VAC14: variants seen among roughly 807,000 people sequenced by gnomAD.
VAC14 encodes the protein VAC14 component of PIKFYVE complex.
VAC14 carries 47 observed loss-of-function variants against 85.3 expected under a neutral mutation model. The ratio of observed to expected loss-of-function variants is 0.55; its 90% confidence interval spans 0.44 to 0.70. The LOEUF (loss-of-function observed/expected upper bound fraction) is 0.70. Among genes scored for constraint, VAC14 ranks in the 30% least tolerant of loss-of-function variants. The pLI is 0.00. For missense variants in VAC14, 861 were observed against 1,004.3 expected (o/e 0.86, Z 1.93); for synonymous variants, 447 against 430.5 (o/e 1.04, Z -0.47).
At chr16:70,734,153 C>G (rs1461250031) in intron 13 of VAC14, among the ~76,000 whole-genome samples, 2 of 151,592 alleles carry the variant, frequency 1.3e-5, no homozygotes, top group Non-Finnish European at 2.9e-5. Flanking sequence ...CAAGAACAGC[C>G]TAATAAACAG....
chr16:70,783,405 T>A (rs1023316905), intron 6 of VAC14, 40 bp downstream of exon 6: 1 of 1,584,686 alleles, frequency 6.3e-7, no homozygotes, highest in Middle Eastern at 1.7e-4. Context: ...CAGCTGGGGG[T>A]GGCAGGAGGC....
intron 10 of VAC14, among the ~76,000 whole-genome samples, chr16:70,766,940 G>A (rs1184741195): frequency 5.3e-5 from 8 of 152,152 alleles, no homozygotes; most frequent in African/African-American, 1.7e-4. Flanking sequence ...CTGCTGGGCC[G>A]GAGCCTGAGA....
intron 14 of VAC14, among the ~76,000 whole-genome samples, chr16:70,722,678 C>T (rs1037535611): frequency 2.6e-4 from 39 of 152,162 alleles, no homozygotes; most frequent in Non-Finnish European, 1.5e-4. Flanking sequence ...AGACAAAGGG[C>T]ACCCACATTT....
At chr16:70,708,312 C>A (rs933569472) in intron 14 of VAC14, among the ~76,000 whole-genome samples, 2 of 152,170 alleles carry the variant, frequency 1.3e-5, no homozygotes, top group African/African-American at 4.8e-5. Flanking sequence ...TAGGGCTGGG[C>A]CCCTACAGGC....
At chr16:70,713,348 G>C (rs1197889583) in intron 14 of VAC14, among the ~76,000 whole-genome samples, 3 of 152,218 alleles carry the variant, frequency 2.0e-5, no homozygotes, top group Non-Finnish European at 4.4e-5. Flanking sequence ...CATAGAGCAG[G>C]GTCTGAGGAT....
At chr16:70,708,273 G>C (rs1347888055) in intron 14 of VAC14, among the ~76,000 whole-genome samples, 1 of 152,218 alleles carries the variant, frequency 6.6e-6, no homozygotes, top group African/African-American at 2.4e-5. Flanking sequence ...CCTGAGCCCT[G>C]GTTCCTTTTC....
intron 13 of VAC14, among the ~76,000 whole-genome samples, chr16:70,738,468 A>C (rs1349797631): frequency 6.6e-6 from 1 of 152,158 alleles, no homozygotes; most frequent in Non-Finnish European, 1.5e-5. Flanking sequence ...CTTCCAGCTG[A>C]CGCGGCAGTG....
rs765593103 is a variant in VAC14 at position 70,784,806 on chromosome 16, G to A, written c.456C>T (p.Ser152=). 128 of 1,614,010 alleles carry A rather than the reference G, an allele frequency of 7.9e-5. No individual in the cohort carries two copies. Among genetic ancestry groups the A allele is most frequent in the Non-Finnish European group, 9.5e-5 (112 of 1,180,034 alleles). ...LAADPDPNVK[S]GSELLDRLLK... ...AAAGGCGGTCTAGGAGCTCAGATCC[G>A]CTTTTCACATTGGGGTCTGGGTCGG... The change falls in exon 4 of 19, where the codon AGC becomes AGT. Residue 152 remains serine, a synonymous_variant. Transcript: ENST00000261776.
chr16:70,792,397 T>C (rs2034378534), intron 1 of VAC14, among the ~76,000 whole-genome samples: 2 of 152,152 alleles, frequency 1.3e-5, no homozygotes, highest in Non-Finnish European at 2.9e-5. Context: ...CTGGAGACCT[T>C]CACTAATGTG....
chr16:70,691,660 TC>T (rs1447157141), intron 18 of VAC14: 10 of 985,320 alleles, frequency 1.0e-5, no homozygotes, highest in Admixed American at 6.1e-5. Flanking sequence ...GGCACTGCCT[TC>T]TGGGGAAATG....
chr16:70,702,697 G>A (rs1396150420), intron 14 of VAC14, among the ~76,000 whole-genome samples: 3 of 152,214 alleles, frequency 2.0e-5, no homozygotes, highest in Admixed American at 6.5e-5. Flanking sequence ...CCAGCTCACG[G>A]GGCCCTTACT....
chr16:70,769,888 T>C (rs1394421696), intron 10 of VAC14: 1 of 152,274 alleles, frequency 6.6e-6, no homozygotes, highest in Non-Finnish European at 1.5e-5. Context: ...CAACAGGCTT[T>C]TGGCTGCCAG....
intron 18 of VAC14, chr16:70,689,647 T>TCTACGG (rs1229525846): frequency 2.1e-4 from 206 of 985,728 alleles, no homozygotes; most frequent in Admixed American, 6.7e-4. Flanking sequence ...CTTGGACATG[T>TCTACGG]CTACGGCTGC....
chr16:70,743,194 T>G (rs996514028), intron 13 of VAC14, among the ~76,000 whole-genome samples: 4 of 152,038 alleles, frequency 2.6e-5, no homozygotes, highest in Admixed American at 6.5e-5. Context: ...TAAAGGATTG[T>G]AAACGCACCA....
At chr16:70,753,373 G>A (rs1411660730) in intron 12 of VAC14, among the ~76,000 whole-genome samples, 2 of 152,186 alleles carry the variant, frequency 1.3e-5, no homozygotes, top group Non-Finnish European at 2.9e-5. Context: ...CTTGCCAACA[G>A]GGAGGTGCCT....
chr16:70,759,432 G>C (rs918248795), intron 12 of VAC14, among the ~76,000 whole-genome samples: 3 of 152,160 alleles, frequency 2.0e-5, no homozygotes. Flanking sequence ...TTCAAGACCA[G>C]CCTGGCCAAC....
At chr16:70,738,591 C>G (rs1442176856) in intron 13 of VAC14, among the ~76,000 whole-genome samples, 3 of 152,050 alleles carry the variant, frequency 2.0e-5, no homozygotes, top group African/African-American at 7.3e-5. Context: ...GCTGGTGGAG[C>G]AGGGGGGCTG....
chr16:70,757,774 T>C (rs1354192718), intron 12 of VAC14, among the ~76,000 whole-genome samples: 3 of 152,226 alleles, frequency 2.0e-5, no homozygotes, highest in Non-Finnish European at 4.4e-5. Context: ...CTACTGCTTA[T>C]CGTGGGTTTA....
chr16:70,773,557 G>C (rs2033355089), intron 9 of VAC14, among the ~76,000 whole-genome samples: 1 of 152,304 alleles, frequency 6.6e-6, no homozygotes, highest in Admixed American at 6.5e-5. Context: ...CTGCACTGAG[G>C]AGGGAAGAGG....
Sources: gnomAD v4.1 joint callset for allele counts (sites outside exome capture counted in the v4.1 genomes callset) on GRCh38, gnomAD v4.1.1 for gene constraint, MANE v1.5 for transcripts, NCBI Gene and HGNC (gene_info 2026-07-23, HGNC 2026-07-21) for gene names.